The following HEG1 variants were observed in gnomAD, a reference collection of about 807,000 sequenced individuals.
HEG1 encodes heart development protein with EGF like domains 1, also known as protein HEG homolog 1.
HEG1 carries 56 observed loss-of-function variants against 125.6 expected under a neutral mutation model. The ratio of observed to expected loss-of-function variants is 0.45; its 90% CI spans 0.36 to 0.56. The LOEUF is 0.56. Ranked by LOEUF, HEG1 falls within the 20% of genes least tolerant of loss-of-function variation. HEG1 has a pLI of 0.00. For missense variants in HEG1, 1,523 were observed against 1,670.0 expected, an observed-to-expected ratio of 0.91 and a Z score of 1.53; for synonymous variants, 644 against 668.5, an observed-to-expected ratio of 0.96 and a Z score of 0.57.
intron 14 of HEG1, among the ~76,000 whole-genome samples, chr3:124,986,670 A>G (rs1034511624): frequency 4.6e-5 from 7 of 152,230 alleles, no homozygotes; most frequent in Admixed American, 6.5e-5. Flanking sequence ...CCGGTTCTAA[A>G]AGGTGGCCAG....
intron 1 of HEG1, among the ~76,000 whole-genome samples, chr3:125,039,835 C>CA (rs71996831): frequency 0.025 from 3,286 of 132,344 alleles, 152 homozygotes; most frequent in African/African-American, 0.082. Context: ...AGAACAGAGC[C>CA]AAAAAAAAAA....
At position 125,042,594 on chromosome 3, in the gene HEG1, G is replaced by A. The variant is rs141740070; in HGVS notation, c.316+12981C>T. Among the ~76,000 whole-genome samples the A allele has an allele frequency of 7.9e-5, 12 of 152,300 alleles. No homozygotes were observed. The East Asian group carries it at 9.6e-4, about 12-fold the overall frequency. ...TATGATGCTTCTGGGGTGTGAGAACGGGCCCCCCAGGGGTAGACACTGAGA... is the reference window on the plus strand; with the variant it reads ...TATGATGCTTCTGGGGTGTGAGAACAGGCCCCCCAGGGGTAGACACTGAGA... On this transcript the variant is annotated intron_variant, in intron 1 of 16. Transcript: ENST00000311127.
intron 5 of HEG1, chr3:125,015,090 G>A (rs757082400): frequency 2.3e-5 from 24 of 1,035,336 alleles, no homozygotes; most frequent in Non-Finnish European, 2.9e-5. Context: ...CTCACTTCCT[G>A]GGCTGTGGGA....
At chr3:125,020,232 C>T (rs1937315526) in intron 4 of HEG1, among the ~76,000 whole-genome samples, 1 of 152,098 alleles carries the variant, frequency 6.6e-6, no homozygotes, top group Non-Finnish European at 1.5e-5. Context: ...TCAAGACCAG[C>T]CTGGGCAACA....
chr3:125,007,397 A>G (rs1937089238), intron 8 of HEG1, among the ~76,000 whole-genome samples: 1 of 152,072 alleles, frequency 6.6e-6, no homozygotes, highest in Admixed American at 6.6e-5. Context: ...TTACGCCTGC[A>G]GTTACAGCAC....
intron 8 of HEG1, among the ~76,000 whole-genome samples, chr3:125,009,027 C>T (rs1248685150): frequency 6.6e-6 from 1 of 152,176 alleles, no homozygotes; most frequent in Non-Finnish European, 1.5e-5. Context: ...CTTGTGAAGG[C>T]CTTGGTTTTC....
Position 125,043,963 on chromosome 3 carries a change from C to T in HEG1, c.316+11612G>A, listed in dbSNP as rs139348481. On this transcript the variant is annotated intron_variant, in intron 1 of 16. Transcript: ENST00000311127. Reference sequence around the variant, plus strand: ...GGCAGCCCGGCCTGGGCCCGGGCCCCGGTGTCCACACAGCTGGCGGCTGAC... The same window carrying T: ...GGCAGCCCGGCCTGGGCCCGGGCCCTGGTGTCCACACAGCTGGCGGCTGAC... Among the ~76,000 whole-genome samples the T allele has an allele frequency of 7.9e-4, 121 of 152,332 alleles. 2 individuals carry two copies. The Middle Eastern group carries it at 0.027, about 34-fold the overall frequency.
chr3:125,041,446 G>A (rs1937592952), intron 1 of HEG1, among the ~76,000 whole-genome samples: 1 of 152,180 alleles, frequency 6.6e-6, no homozygotes, highest in South Asian at 2.1e-4. Context: ...AAGGAAGAAT[G>A]GAAAAGAAAT....
rs10565452 is a variant in HEG1 at position 125,022,396 on chromosome 3, CGAGA to C, written c.914-1270_914-1267del. On this transcript the variant is annotated intron_variant, in intron 3 of 16. Coordinates refer to ENST00000311127, the MANE Select transcript of HEG1 (RefSeq NM_020733.2). The stretch of plus-strand genomic sequence containing the variant: ...AAATAAATTTTAAGTATCACTACAG[CGAGA>C]GAGAGAGAGAGAGAGAGAGAGAGAG... 1.2e-3 allele frequency among the ~76,000 whole-genome samples: 167 copies of C among 142,650 alleles called. 1 individual carries two copies. Among genetic ancestry groups the C allele is most frequent in the South Asian group, 0.01 (44 of 4,266 alleles). 93.6% of individuals were successfully genotyped at this position (142,650 alleles called of 152,430 possible). A position where few individuals can be genotyped will look rare whatever the true frequency, so the allele number is the denominator to read the frequency against.
Position 125,025,574 on chromosome 3 carries a change from T to C in HEG1, c.913+1631A>G, listed in dbSNP as rs1368487746. Among the ~76,000 whole-genome samples the C allele has an allele frequency of 2.0e-5, 3 of 152,182 alleles. No individual in the cohort carries two copies. The East Asian group carries it at 5.8e-4, about 29-fold the overall frequency. On this transcript the variant is annotated intron_variant, in intron 3 of 16. Coordinates refer to ENST00000311127, the MANE Select transcript of HEG1 (RefSeq NM_020733.2). ...TTGAAAAATATACGTGAAAAAAATA[T>C]ATAGGTGAATATAGAGTCATAGAGT...
chr3:125,020,542 G>C (rs1937318978), intron 4 of HEG1, among the ~76,000 whole-genome samples: 1 of 152,144 alleles, frequency 6.6e-6, no homozygotes. Flanking sequence ...TACTGAGTGA[G>C]CTAAATGGCC....
At chr3:125,054,017 A>G (rs1937873211) in intron 1 of HEG1, among the ~76,000 whole-genome samples, 1 of 152,228 alleles carries the variant, frequency 6.6e-6, no homozygotes, top group Non-Finnish European at 1.5e-5. Context: ...CCTGACTACT[A>G]CCCAGAGAAA....
At chr3:124,983,979 C>G (rs1388887761) in intron 14 of HEG1, among the ~76,000 whole-genome samples, 1 of 152,154 alleles carries the variant, frequency 6.6e-6, no homozygotes, top group Non-Finnish European at 1.5e-5. Flanking sequence ...AATGAGACTT[C>G]CAGCTGCCTT....
chr3:125,009,623 G>T, intron 8 of HEG1, 82 bp downstream of exon 8: 1 of 1,391,952 alleles, frequency 7.2e-7, no homozygotes, highest in Non-Finnish European at 9.7e-7. Flanking sequence ...ACTGATTTTG[G>T]TTAGCAAGAA....
In HEG1 at chr3:124,978,561, G is replaced by A. The variant is rs957625752; in HGVS notation, c.3734-615C>T. Among the ~76,000 whole-genome samples, 68 of 152,276 alleles carry A rather than the reference G, an allele frequency of 4.5e-4. 1 individual carries two copies. The Middle Eastern group carries it at 0.01, about 23-fold the overall frequency. ...GGTAGAAAGAGAAAAATAAATGTGA[G>A]TTATGAGTTTTTTAAAAACTTAATT... On this transcript the variant is annotated intron_variant, in intron 14 of 16. Coordinates refer to ENST00000311127, the MANE Select transcript of HEG1 (RefSeq NM_020733.2).
At chr3:125,009,877 C>T in intron 7 of HEG1, 53 bp from the exon 8 acceptor site, 1 of 1,559,158 alleles carries the variant, frequency 6.4e-7, no homozygotes, top group Non-Finnish European at 8.7e-7. Flanking sequence ...ACAGCAAAAC[C>T]ATAACCCAGT....
intron 1 of HEG1, among the ~76,000 whole-genome samples, chr3:125,032,461 C>T (rs148555484): frequency 4.6e-5 from 7 of 152,294 alleles, no homozygotes; most frequent in African/African-American, 1.7e-4. Flanking sequence ...CTCTGGGGCC[C>T]AGTTCCAGAC....
At chr3:125,009,958 C>T in intron 7 of HEG1, 134 bp from the exon 8 acceptor site, 2 of 879,672 alleles carry the variant, frequency 2.3e-6, no homozygotes, top group South Asian at 2.6e-5. Context: ...TATGAGAACA[C>T]TCTTGCCCTC....
intron 6 of HEG1, among the ~76,000 whole-genome samples, chr3:125,011,301 C>T (rs1354547147): frequency 6.6e-6 from 1 of 152,118 alleles, no homozygotes; most frequent in African/African-American, 2.4e-5. Flanking sequence ...AGATGGTGTT[C>T]CTATCCTGTA....
Sources: allele counts gnomAD v4.1 joint callset (sites outside exome capture counted in the v4.1 genomes callset), GRCh38; gene constraint gnomAD v4.1.1; transcripts MANE v1.5; gene names NCBI Gene and HGNC (gene_info 2026-07-23, HGNC 2026-07-21).